PCOLCE2: variants seen among roughly 807,000 people sequenced by gnomAD.
The protein encoded by PCOLCE2 is procollagen C-endopeptidase enhancer 2.
Under a neutral mutation model 47.0 loss-of-function variants are expected in PCOLCE2, and 42 were observed. The ratio of observed to expected loss-of-function variants is 0.89; its 90% CI spans 0.70 to 1.16. PCOLCE2 has a LOEUF of 1.16. PCOLCE2 is among the 50% of genes most tolerant of loss of function. The pLI is 0.00. For synonymous variants in PCOLCE2, 169 were observed against 191.7 expected, an observed-to-expected ratio of 0.88 and a Z score of 0.98; for missense variants, 500 against 526.1, an observed-to-expected ratio of 0.95 and a Z score of 0.49.
intron 2 of PCOLCE2, among the ~76,000 whole-genome samples, chr3:142,858,845 A>G (rs1414339359): frequency 6.6e-6 from 1 of 152,104 alleles, no homozygotes; most frequent in Non-Finnish European, 1.5e-5. Context: ...TACTTAAGTC[A>G]TTTTAGGGCA....
At chr3:142,885,777 C>T (rs959777510) in intron 2 of PCOLCE2, among the ~76,000 whole-genome samples, 1 of 152,176 alleles carries the variant, frequency 6.6e-6, no homozygotes, top group African/African-American at 2.4e-5. Flanking sequence ...CAGATAAGCT[C>T]ATTCCTCTGC....
At chr3:142,882,161 C>T (rs908150778) in intron 2 of PCOLCE2, among the ~76,000 whole-genome samples, 11 of 150,638 alleles carry the variant, frequency 7.3e-5, no homozygotes, top group African/African-American at 2.2e-4. Flanking sequence ...ACCCAAGTAG[C>T]GAGGACTACA....
At chr3:142,823,437 A>G in intron 7 of PCOLCE2, 95 bp downstream of exon 7, 1 of 741,530 alleles carries the variant, frequency 1.3e-6, no homozygotes, top group Non-Finnish European at 2.4e-6. Flanking sequence ...AGCGTTATTG[A>G]CCCTTCACCA....
At chr3:142,856,564 T>C (rs910477569) in intron 2 of PCOLCE2, among the ~76,000 whole-genome samples, 3 of 151,700 alleles carry the variant, frequency 2.0e-5, no homozygotes, top group Non-Finnish European at 2.9e-5. Context: ...GTCTGCCAAG[T>C]GGAAAGGCAA....
At chr3:142,886,259 C>G (rs1443691027) in intron 2 of PCOLCE2, among the ~76,000 whole-genome samples, 1 of 152,184 alleles carries the variant, frequency 6.6e-6, no homozygotes, top group Non-Finnish European at 1.5e-5. Flanking sequence ...GTCACATCAA[C>G]CTGTCCGCAA....
At chr3:142,852,026 A>T (rs1255959580) in intron 2 of PCOLCE2, among the ~76,000 whole-genome samples, 4 of 152,248 alleles carry the variant, frequency 2.6e-5, no homozygotes, top group Non-Finnish European at 5.9e-5. Flanking sequence ...ACTGGGTTAC[A>T]TCATTGCAAT....
chr3:142,880,053 A>C lies in PCOLCE2; in HGVS notation c.192+7616T>G, dbSNP rs1032565900. On this transcript the variant is annotated intron_variant, in intron 2 of 8. Coordinates refer to ENST00000295992, the MANE Select transcript of PCOLCE2 (RefSeq NM_013363.4). Reference sequence around the variant, plus strand: ...AAAAAATAAACAACCCCACCCCCCCAAAAAAAACCAAGCTATGGTGCTCTT... The same window carrying C: ...AAAAAATAAACAACCCCACCCCCCCCAAAAAAACCAAGCTATGGTGCTCTT... Among the ~76,000 whole-genome samples, 38 of 148,536 alleles carry C rather than the reference A, an allele frequency of 2.6e-4. No homozygotes were observed. In the South Asian group the frequency reaches 3.5e-3, roughly 14 times the overall value.
intron 5 of PCOLCE2, among the ~76,000 whole-genome samples, chr3:142,832,984 G>A (rs996733516): frequency 6.6e-6 from 1 of 152,190 alleles, no homozygotes; most frequent in East Asian, 1.9e-4. Context: ...CCTGGTAAAT[G>A]AGTGATGCTC....
intron 2 of PCOLCE2, among the ~76,000 whole-genome samples, chr3:142,877,772 A>G (rs1933529715): frequency 6.6e-6 from 1 of 152,086 alleles, no homozygotes; most frequent in South Asian, 2.1e-4. Flanking sequence ...GGTCCCTGTC[A>G]CCCTGTGCCA....
intron 8 of PCOLCE2, 146 bp downstream of exon 8, chr3:142,820,732 G>A (rs969772288): frequency 3.7e-5 from 22 of 602,384 alleles, no homozygotes; most frequent in African/African-American, 2.9e-4. Context: ...GGACTTGGAT[G>A]AGAGCCCAAT....
intron 7 of PCOLCE2, among the ~76,000 whole-genome samples, chr3:142,821,610 A>G (rs1937016163): frequency 1.3e-5 from 2 of 152,012 alleles, no homozygotes; most frequent in Non-Finnish European, 2.9e-5. Context: ...TCTGTCTTCT[A>G]CGGTCTTTCA....
chr3:142,844,920 C>T (rs1425202794), intron 3 of PCOLCE2, among the ~76,000 whole-genome samples: 2 of 152,120 alleles, frequency 1.3e-5, no homozygotes, highest in Non-Finnish European at 2.9e-5. Flanking sequence ...CTTTTACTTT[C>T]AACCAACTTG....
chr3:142,887,720 T>C lies in PCOLCE2; in HGVS notation c.141A>G (p.Glu47=). Residue 47 remains glutamate, a synonymous_variant, in exon 2 of 9, where the codon GAA becomes GAG. Transcript: ENST00000295992. ...TTGGAGGGTACACTCCAGGAAAACC[T>C]TCACTGCCAATAAATCCAGACTCTC... The part of the protein sequence containing the change: ...LTGESGFIGS[E]GFPGVYPPNS... 1 of 1,610,190 alleles carries C rather than the reference T, an allele frequency of 6.2e-7. No homozygotes were observed. The highest frequency in any genetic ancestry group is 8.5e-7 in the Non-Finnish European group (1 of 1,176,552).
At chr3:142,850,395 C>T (rs140694453) in intron 2 of PCOLCE2, among the ~76,000 whole-genome samples, 22 of 152,244 alleles carry the variant, frequency 1.4e-4, no homozygotes, top group African/African-American at 5.1e-4. Context: ...TTGATGAAGT[C>T]ACTCCCAGAG....
In PCOLCE2 at chr3:142,843,235, T is replaced by A. The variant is rs763838731; in HGVS notation, c.449-187A>T. On this transcript the variant is annotated intron_variant, in intron 3 of 8. Coordinates refer to ENST00000295992, the MANE Select transcript of PCOLCE2 (RefSeq NM_013363.4). Reference sequence around the variant, plus strand: ...ACCCCCCAACACACACAATGAATGATCTTTGTTACCTGACATAGCATAGCA... The same window carrying A: ...ACCCCCCAACACACACAATGAATGAACTTTGTTACCTGACATAGCATAGCA... 10 of 676,026 alleles carry A rather than the reference T, an allele frequency of 1.5e-5. No homozygotes were observed. In the East Asian group the frequency reaches 2.9e-4, roughly 20 times the overall value. 41.9% of individuals were successfully genotyped at this position (676,026 alleles called of 1,614,324 possible). A position where few individuals can be genotyped will look rare whatever the true frequency, so the allele number is the denominator to read the frequency against.
chr3:142,851,624 T>C (rs561056219), intron 2 of PCOLCE2, among the ~76,000 whole-genome samples: 52 of 152,266 alleles, frequency 3.4e-4, no homozygotes, highest in African/African-American at 1.3e-3. Flanking sequence ...GATAAGTTAT[T>C]TGGCGGAGAA....
At chr3:142,825,435 C>A (rs750783689) in intron 6 of PCOLCE2, among the ~76,000 whole-genome samples, 7 of 152,116 alleles carry the variant, frequency 4.6e-5, no homozygotes, top group Non-Finnish European at 1.0e-4. Flanking sequence ...TTCCCGCGAT[C>A]GTTTCTATGG....
chr3:142,843,128 G>A, intron 3 of PCOLCE2, 80 bp from the exon 4 acceptor site: 3 of 1,410,032 alleles, frequency 2.1e-6, no homozygotes, highest in African/African-American at 1.4e-5. Context: ...TTAGGAATGT[G>A]GGATCTTTGG....
intron 2 of PCOLCE2, among the ~76,000 whole-genome samples, chr3:142,854,749 C>A (rs1933032758): frequency 1.3e-5 from 2 of 152,178 alleles, no homozygotes; most frequent in African/African-American, 4.8e-5. Context: ...AGAATAAAAT[C>A]TTCACCTTAA....
Sources: gnomAD v4.1 joint callset for allele counts (sites outside exome capture counted in the v4.1 genomes callset) on GRCh38, gnomAD v4.1.1 for gene constraint, MANE v1.5 for transcripts, NCBI Gene and HGNC (gene_info 2026-07-23, HGNC 2026-07-21) for gene names.